The following COL24A1 variants were observed in gnomAD, a reference collection of about 807,000 sequenced individuals.
The protein encoded by COL24A1 is collagen alpha-1(XXIV) chain.
COL24A1 carries 224 observed loss-of-function variants against 253.9 expected under a neutral mutation model. The ratio of observed to expected loss-of-function variants is 0.88; its 90% CI spans 0.79 to 0.99. The LOEUF is 0.99. Ranked by LOEUF, COL24A1 falls within the 50% of genes least tolerant of loss-of-function variation. COL24A1 has a pLI of 0.00. For synonymous variants in COL24A1, 685 were observed against 673.7 expected (o/e 1.02, Z -0.26); for missense variants, 2,131 against 2,068.5 (o/e 1.03, Z -0.59).
intron 5 of COL24A1, among the ~76,000 whole-genome samples, chr1:86,093,897 A>T (rs1212300253): frequency 1.3e-5 from 2 of 152,190 alleles, no homozygotes; most frequent in Admixed American, 1.3e-4. Context: ...AAATCTCAAC[A>T]TTACTGATCA....
intron 43 of COL24A1, among the ~76,000 whole-genome samples, chr1:85,828,780 A>C (rs865906985): frequency 1.0e-3 from 140 of 138,716 alleles, no homozygotes; most frequent in African/African-American, 3.7e-3. Context: ...TGCTTGGTAG[A>C]TCTTCCTCCA....
chr1:86,099,988 C>T (rs1285058149), intron 5 of COL24A1, among the ~76,000 whole-genome samples: 1 of 151,912 alleles, frequency 6.6e-6, no homozygotes, highest in African/African-American at 2.4e-5. Context: ...GTGCACTATA[C>T]CCAAAGGATT....
chr1:85,809,046 A>G (rs909057558), intron 47 of COL24A1, among the ~76,000 whole-genome samples: 1 of 152,224 alleles, frequency 6.6e-6, no homozygotes, highest in Non-Finnish European at 1.5e-5. Context: ...TGGTGGAGTC[A>G]GTCAGAAAGG....
At chr1:86,107,550 T>C (rs993085179) in intron 5 of COL24A1, among the ~76,000 whole-genome samples, 5 of 139,938 alleles carry the variant, frequency 3.6e-5, no homozygotes, top group African/African-American at 1.4e-4. Context: ...TATTTATTTA[T>C]TTATAGACGG....
chr1:85,933,956 A>T (rs1688037243), intron 24 of COL24A1, among the ~76,000 whole-genome samples: 1 of 152,210 alleles, frequency 6.6e-6, no homozygotes, highest in South Asian at 2.1e-4. Flanking sequence ...ATTATCTCAC[A>T]GTTTCTGTGA....
chr1:85,985,320 A>T (rs771839875), intron 20 of COL24A1, among the ~76,000 whole-genome samples: 1 of 151,800 alleles, frequency 6.6e-6, no homozygotes, highest in South Asian at 2.1e-4. Flanking sequence ...TAAGTATGGC[A>T]TGGTTTGGCA....
intron 35 of COL24A1, among the ~76,000 whole-genome samples, chr1:85,869,088 A>G (rs1680115116): frequency 1.3e-5 from 2 of 152,132 alleles, no homozygotes; most frequent in South Asian, 4.1e-4. Flanking sequence ...AATAAATTTT[A>G]GATAATTAAA....
chr1:86,112,503 T>C, intron 5 of COL24A1, 64 bp downstream of exon 5: 2 of 1,439,438 alleles, frequency 1.4e-6, no homozygotes, highest in Non-Finnish European at 1.9e-6. Context: ...GGGATCTTCT[T>C]TTTAATATCA....
At chr1:86,079,699 C>T (rs1191068991) in intron 7 of COL24A1, among the ~76,000 whole-genome samples, 8 of 152,118 alleles carry the variant, frequency 5.3e-5, no homozygotes, top group Admixed American at 5.2e-4. Flanking sequence ...AAGTGCTCAA[C>T]ATTATTGATC....
intron 7 of COL24A1, among the ~76,000 whole-genome samples, chr1:86,073,555 C>T (rs191779404): frequency 3.2e-4 from 49 of 151,880 alleles, no homozygotes; most frequent in African/African-American, 9.9e-4. Context: ...CTTTTCAGGA[C>T]ATTATGCAGA....
chr1:85,868,534 G>A lies in COL24A1; in HGVS notation c.3285C>T (p.Gly1095=), dbSNP rs1488349534. The A allele has an allele frequency of 6.2e-7, 1 of 1,613,480 alleles. No individual in the cohort carries two copies. Residue 1095 remains glycine, a synonymous_variant, in exon 37 of 60, where the codon GGC becomes GGT. Coordinates refer to ENST00000370571, the MANE Select transcript of COL24A1 (RefSeq NM_152890.7). ...CAGTACTTACCGGAAGGCCTGTTTG[G>A]CCTGATCTACCCAAGGGTCCTATAA... is the stretch of plus-strand genomic sequence containing the variant. The part of the protein sequence containing the change: ...PGIIGPLGRS[G]QTGLPGPEGI...
At chr1:85,993,430 G>A (rs1218653161) in intron 19 of COL24A1, among the ~76,000 whole-genome samples, 1 of 131,618 alleles carries the variant, frequency 7.6e-6, no homozygotes. Context: ...TATGCTAAGT[G>A]AAAGAAGCCA....
intron 43 of COL24A1, among the ~76,000 whole-genome samples, chr1:85,826,222 A>G (rs905839466): frequency 1.4e-5 from 2 of 142,702 alleles, no homozygotes; most frequent in African/African-American, 5.1e-5. Flanking sequence ...TTTGTCAAAG[A>G]TCAGATAGTT....
intron 23 of COL24A1, among the ~76,000 whole-genome samples, chr1:85,964,204 A>G (rs1291807474): frequency 6.6e-6 from 1 of 152,176 alleles, no homozygotes; most frequent in Non-Finnish European, 1.5e-5. Flanking sequence ...TGCAAAACTT[A>G]CCAATTCTTA....
intron 20 of COL24A1, among the ~76,000 whole-genome samples, chr1:85,984,240 T>G (rs1693511466): frequency 6.6e-6 from 1 of 151,866 alleles, no homozygotes; most frequent in African/African-American, 2.4e-5. Context: ...TCTCTGGTTC[T>G]TCACCTAGTA....
At chr1:86,053,343 C>A (rs1410762700) in intron 10 of COL24A1, among the ~76,000 whole-genome samples, 1 of 151,946 alleles carries the variant, frequency 6.6e-6, no homozygotes, top group Non-Finnish European at 1.5e-5. Context: ...ATAGCCTGTA[C>A]AGAGTGTAAA....
chr1:86,101,650 G>C (rs777587402), intron 5 of COL24A1, among the ~76,000 whole-genome samples: 80 of 152,238 alleles, frequency 5.3e-4, no homozygotes, highest in Non-Finnish European at 1.1e-3. Flanking sequence ...ATAATCATGT[G>C]GTTTTTGTCT....
At chr1:85,950,831 T>C (rs114244315) in intron 24 of COL24A1, among the ~76,000 whole-genome samples, 2,945 of 152,260 alleles carry the variant, frequency 0.019, 41 homozygotes, top group Middle Eastern at 0.031. Flanking sequence ...CATTGACTTG[T>C]AGAAAAAAAA....
Position 86,017,210 on chromosome 1 carries a change from A to AT in COL24A1, c.2257-7dup, listed in dbSNP as rs1697074916. 1.9e-6 allele frequency: 3 copies of AT among 1,556,802 alleles called. No homozygotes were observed. Among genetic ancestry groups the AT allele is most frequent in the African/African-American group, 1.4e-5 (1 of 69,750 alleles). On this transcript the variant is annotated splice_region_variant and splice_polypyrimidine_tract_variant and intron_variant, in intron 18 of 59. Coordinates refer to ENST00000370571, the MANE Select transcript of COL24A1 (RefSeq NM_152890.7). ...CCTGGGTCACCTGTTTGGCCCTAAAATGGGGGGGGAGGATCAAAGTATAAA... is the reference window on the plus strand; with the variant it reads ...CCTGGGTCACCTGTTTGGCCCTAAAATTGGGGGGGGAGGATCAAAGTATAAA...
Sources: gnomAD v4.1 joint callset for allele counts (sites outside exome capture counted in the v4.1 genomes callset) on GRCh38, gnomAD v4.1.1 for gene constraint, MANE v1.5 for transcripts, NCBI Gene and HGNC (gene_info 2026-07-23, HGNC 2026-07-21) for gene names.